VPS13A: variants seen among roughly 807,000 people sequenced by gnomAD.
VPS13A encodes vacuolar protein sorting 13 homolog A.
A neutral mutation model predicts 390.9 loss-of-function variants in VPS13A; 264 were observed. The observed-to-expected ratio is 0.68, with a 90% CI of 0.61 to 0.75. VPS13A has a LOEUF of 0.75. Among genes scored for constraint, VPS13A ranks in the 30% least tolerant of loss-of-function variants. The pLI is 0.00. For missense variants in VPS13A, 3,409 were observed against 3,733.9 expected, an observed-to-expected ratio of 0.91 and a Z score of 2.27; for synonymous variants, 1,231 against 1,227.1, an observed-to-expected ratio of 1.00 and a Z score of -0.07.
At chr9:77,395,283 G>A (rs779031629) in intron 68 of VPS13A, among the ~76,000 whole-genome samples, 45 of 152,108 alleles carry the variant, frequency 3.0e-4, no homozygotes, top group Non-Finnish European at 5.0e-4. Context: ...TGTTTCTCAC[G>A]TAATAGGGAG....
rs546616422 is a variant in VPS13A, at chr9:77,366,781, C to G, written c.8380C>G (p.Gln2794Glu). Reference protein sequence around the residue: ...SGREEAKDSKQNGGLIPVHSL... With the variant: ...SGREEAKDSKENGGLIPVHSL... ...CAGAGAAGAAGCTAAAGATTCAAAA[C>G]AAAATGGAGGACTGATTCCAGTTCA... is the stretch of plus-strand genomic sequence containing the variant. Residue 2794 changes from glutamine to glutamate, a missense_variant, in exon 61 of 72, where the codon CAA (glutamine) becomes GAA (glutamate). Physicochemically the swap from Gln to Glu is conservative, Grantham distance 29. Around this residue, in one of 5 missense-constraint regions of VPS13A, gnomAD observed 123 missense variants for 118.7 expected, o/e 1.04. Transcript: ENST00000360280. 2.2e-5 allele frequency: 36 copies of G among 1,613,194 alleles called. No individual in the cohort carries two copies. The highest frequency in any genetic ancestry group is 4.4e-5 in the South Asian group (4 of 90,986).
chr9:77,411,451 C>T (rs943299551), intron 71 of VPS13A, among the ~76,000 whole-genome samples: 1 of 151,758 alleles, frequency 6.6e-6, no homozygotes, highest in Non-Finnish European at 1.5e-5. Context: ...ATCACGAGGT[C>T]AGGAGATCGA....
chr9:77,278,353 G>A (rs575030527), intron 26 of VPS13A, among the ~76,000 whole-genome samples: 250 of 151,462 alleles, frequency 1.7e-3, no homozygotes, highest in African/African-American at 5.6e-3. Context: ...GATTACAGGC[G>A]TGAGCCACCG....
At chr9:77,374,233 A>G (rs1010638789) in intron 67 of VPS13A, among the ~76,000 whole-genome samples, 7 of 152,134 alleles carry the variant, frequency 4.6e-5, no homozygotes, top group African/African-American at 1.4e-4. Flanking sequence ...AGCCCTATAT[A>G]TACTGTGTTT....
chr9:77,205,602 T>A (rs886823126), intron 4 of VPS13A, among the ~76,000 whole-genome samples, 194 bp downstream of exon 4: 24 of 151,518 alleles, frequency 1.6e-4, no homozygotes, highest in Non-Finnish European at 3.2e-4. Context: ...TTATTATTAT[T>A]TTTTTTTAAG....
chr9:77,215,693 G>A (rs1375902741), intron 10 of VPS13A, among the ~76,000 whole-genome samples: 1 of 152,220 alleles, frequency 6.6e-6, no homozygotes, highest in Non-Finnish European at 1.5e-5. Flanking sequence ...CTAAGACGGG[G>A]TGCCCAAAAG....
chr9:77,295,961 A>G, intron 33 of VPS13A, 115 bp downstream of exon 33: 1 of 1,072,394 alleles, frequency 9.3e-7, no homozygotes, highest in Non-Finnish European at 1.3e-6. Context: ...AATTATACAT[A>G]ACTTAGTGAT....
At position 77,221,317 on chromosome 9, in the gene VPS13A, A is replaced by G. The variant is rs780779111; in HGVS notation, c.1122A>G (p.Thr374=). Residue 374 remains threonine (T), a synonymous_variant, in exon 13 of 72, where the codon ACA becomes ACG. Coordinates refer to ENST00000360280, the MANE Select transcript of VPS13A (RefSeq NM_033305.3). ...AAGAACTGTATAAAAAAAAGTTAAC[A>G]AGTAAGAAGCCACCTGGTGAACTTC... ...QYKELYKKKL[T]SKKPPGELLV... 13 of 1,613,198 alleles carry G rather than the reference A, an allele frequency of 8.1e-6. No individual in the cohort carries two copies. The highest frequency in any genetic ancestry group is 1.1e-5 in the Non-Finnish European group (13 of 1,179,490).
intron 33 of VPS13A, among the ~76,000 whole-genome samples, chr9:77,296,302 A>G (rs1425456822): frequency 6.6e-6 from 1 of 152,206 alleles, no homozygotes; most frequent in Non-Finnish European, 1.5e-5. Context: ...CGTTAAGCAT[A>G]GGGTTAGGAA....
intron 1 of VPS13A, among the ~76,000 whole-genome samples, chr9:77,185,878 G>A (rs1247379438): frequency 6.6e-6 from 1 of 152,206 alleles, no homozygotes; most frequent in South Asian, 2.1e-4. Context: ...TGTAATTCCA[G>A]CATTTTGGGG....
chr9:77,409,529 G>A (rs932484640), intron 71 of VPS13A, among the ~76,000 whole-genome samples: 1 of 152,120 alleles, frequency 6.6e-6, no homozygotes, highest in Non-Finnish European at 1.5e-5. Context: ...CGAATCCATG[G>A]CAAGGAAGTT....
chr9:77,193,874 C>T (rs1057434228), intron 1 of VPS13A, among the ~76,000 whole-genome samples: 4 of 152,136 alleles, frequency 2.6e-5, no homozygotes, highest in African/African-American at 7.2e-5. Context: ...AGTCGACTGG[C>T]ATAGTTTCTT....
chr9:77,355,656 T>A (rs1026862246), intron 54 of VPS13A, among the ~76,000 whole-genome samples: 5 of 152,192 alleles, frequency 3.3e-5, no homozygotes, highest in African/African-American at 1.2e-4. Flanking sequence ...AACCTTTTAT[T>A]TCCTCCTTCT....
intron 2 of VPS13A, 133 bp downstream of exon 2, chr9:77,200,121 T>G: frequency 1.3e-6 from 1 of 792,774 alleles, no homozygotes; most frequent in Non-Finnish European, 2.0e-6. Context: ...AAAATGTAAA[T>G]TTTGCTAAAT....
intron 68 of VPS13A, among the ~76,000 whole-genome samples, chr9:77,386,478 A>C (rs1587704451): frequency 7.2e-6 from 1 of 139,686 alleles, no homozygotes; most frequent in East Asian, 2.2e-4. Context: ...TTAACCTTTC[A>C]TTCCTTAAGA....
rs536692470 is a variant in VPS13A, at chr9:77,397,485, A to G, written c.9190-5751A>G. Among the ~76,000 whole-genome samples the G allele has an allele frequency of 5.9e-5, 9 of 152,162 alleles. No homozygotes were observed. In the East Asian group the frequency reaches 1.7e-3, roughly 29 times the overall value. On this transcript the variant is annotated intron_variant, in intron 68 of 71. Coordinates refer to ENST00000360280, the MANE Select transcript of VPS13A (RefSeq NM_033305.3). The stretch of plus-strand genomic sequence containing the variant: ...ATGATTAACACATTCTTTGGTTGGG[A>G]CTTAAAGCCTTTTATTTTAGTGATT...
chr9:77,393,005 T>G (rs1181012648), intron 68 of VPS13A, among the ~76,000 whole-genome samples: 1 of 152,166 alleles, frequency 6.6e-6, no homozygotes, highest in African/African-American at 2.4e-5. Context: ...CTGTAGTATG[T>G]GATGCTGTTT....
intron 19 of VPS13A, among the ~76,000 whole-genome samples, chr9:77,243,103 C>A (rs1824603119): frequency 6.6e-6 from 1 of 151,950 alleles, no homozygotes; most frequent in Non-Finnish European, 1.5e-5. Context: ...TACTTAGGTT[C>A]TTTCCTTCCC....
chr9:77,226,643 A>C (rs1386908975), intron 15 of VPS13A, 45 bp downstream of exon 15: 1 of 1,588,342 alleles, frequency 6.3e-7, no homozygotes, highest in South Asian at 1.2e-5. Context: ...CTGGGTGTCA[A>C]AATAAAGTTT....
Sources: gnomAD v4.1 joint callset for allele counts (sites outside exome capture counted in the v4.1 genomes callset) on GRCh38, gnomAD v4.1.1 for gene constraint, gnomAD v4.1.1 regional missense constraint, MANE v1.5 for transcripts, NCBI Gene and HGNC (gene_info 2026-07-23, HGNC 2026-07-21) for gene names.